Variants in NEDD4L observed in about 807,000 individuals in gnomAD.
The protein encoded by NEDD4L is NEDD4 like E3 ubiquitin protein ligase.
NEDD4L carries 54 observed loss-of-function variants against 148.9 expected under a neutral mutation model. That is an observed-to-expected ratio of 0.36 (90% CI 0.29 to 0.45). The LOEUF is 0.45. Among genes scored for constraint, NEDD4L ranks in the 20% least tolerant of loss-of-function variants. The pLI, the probability that NEDD4L is intolerant of heterozygous loss-of-function variation, is 1.00. For missense variants in NEDD4L, 856 were observed against 1,233.8 expected, an observed-to-expected ratio of 0.69 and a Z score of 4.59; for synonymous variants, 433 against 440.7, an observed-to-expected ratio of 0.98 and a Z score of 0.22.
intron 11 of NEDD4L, among the ~76,000 whole-genome samples, chr18:58,333,070 A>T (rs1479335372): frequency 6.6e-6 from 1 of 152,102 alleles, no homozygotes; most frequent in Non-Finnish European, 1.5e-5. Context: ...TGAGGTCAGG[A>T]GGTCGAGACC....
chr18:58,289,778 T>C (rs1446798897), intron 5 of NEDD4L, among the ~76,000 whole-genome samples: 1 of 152,232 alleles, frequency 6.6e-6, no homozygotes, highest in East Asian at 1.9e-4. Flanking sequence ...TATTTCAGGG[T>C]TACCAGAGTT....
intron 2 of NEDD4L, among the ~76,000 whole-genome samples, chr18:58,181,579 G>A (rs1462002960): frequency 6.6e-6 from 1 of 152,082 alleles, no homozygotes; most frequent in Non-Finnish European, 1.5e-5. Flanking sequence ...CATGGTGCAT[G>A]CAACCATGCC....
At position 58,183,359 on chromosome 18, in the gene NEDD4L, G is replaced by T. The variant is rs981275946; in HGVS notation, c.122+17498G>T. On this transcript the variant is annotated intron_variant, in intron 2 of 30. Transcript: ENST00000400345. Reference sequence around the variant, plus strand: ...GCTGTCCCTGTTGAAGTTAATACGGGTTTGGCACAACACAGGAGTAGACGG... The same window carrying T: ...GCTGTCCCTGTTGAAGTTAATACGGTTTTGGCACAACACAGGAGTAGACGG... Among the ~76,000 whole-genome samples the T allele has an allele frequency of 2.6e-5, 4 of 152,310 alleles. No individual in the cohort carries two copies. In the East Asian group the frequency reaches 7.7e-4, roughly 29 times the overall value.
At chr18:58,307,167 AC>A (rs2057167626) in intron 5 of NEDD4L, among the ~76,000 whole-genome samples, 1 of 151,970 alleles carries the variant, frequency 6.6e-6, no homozygotes, top group Non-Finnish European at 1.5e-5. Flanking sequence ...CCTCTGACCG[AC>A]CCGCACACTG....
At chr18:58,111,401 C>T (rs2085410648) in intron 1 of NEDD4L, among the ~76,000 whole-genome samples, 1 of 152,144 alleles carries the variant, frequency 6.6e-6, no homozygotes, top group Non-Finnish European at 1.5e-5. Flanking sequence ...TAAAAGGAAG[C>T]CTGTACGATA....
At chr18:58,251,907 G>A (rs765597150) in intron 4 of NEDD4L, 94 bp from the exon 5 acceptor site, 15 of 727,116 alleles carry the variant, frequency 2.1e-5, no homozygotes, top group African/African-American at 7.0e-5. Context: ...TGAGTTGGGC[G>A]CATTGTAAAG....
At chr18:58,358,778 TATTTGGCAATTTTC>T (rs1320682140) in intron 19 of NEDD4L, among the ~76,000 whole-genome samples, 2 of 152,210 alleles carry the variant, frequency 1.3e-5, no homozygotes, top group Non-Finnish European at 2.9e-5. Flanking sequence ...CAGTTCTAAA[TATTTGGCAATTTTC>T]ATTTGATTTT....
chr18:58,082,100 ATATTTTTT>A (rs1238455558), intron 1 of NEDD4L, among the ~76,000 whole-genome samples: 1 of 72,244 alleles, frequency 1.4e-5, no homozygotes, highest in Non-Finnish European at 2.4e-5. Flanking sequence ...ATATATATAT[ATATTTTTT>A]TTTTTTTTTT....
At chr18:58,078,788 A>G (rs1230556065) in intron 1 of NEDD4L, among the ~76,000 whole-genome samples, 2 of 152,250 alleles carry the variant, frequency 1.3e-5, no homozygotes, top group East Asian at 3.9e-4. Context: ...AGGAAGATGA[A>G]GGTGAAACGT....
intron 2 of NEDD4L, among the ~76,000 whole-genome samples, chr18:58,166,428 A>G (rs975159648): frequency 6.6e-6 from 1 of 152,018 alleles, no homozygotes; most frequent in East Asian, 1.9e-4. Context: ...TTTTGTTCCT[A>G]TTGGCTGTCA....
At chr18:58,218,727 C>T (rs1015565193) in intron 2 of NEDD4L, among the ~76,000 whole-genome samples, 1 of 152,168 alleles carries the variant, frequency 6.6e-6, no homozygotes, top group Non-Finnish European at 1.5e-5. Context: ...TCAGTAGTGC[C>T]CCGGTAAAAG....
chr18:58,230,534 A>G (rs1315152492), intron 2 of NEDD4L, among the ~76,000 whole-genome samples: 3 of 152,142 alleles, frequency 2.0e-5, no homozygotes, highest in Non-Finnish European at 4.4e-5. Context: ...AAATGAAGCA[A>G]GTTCAAGAAA....
chr18:58,214,154 T>C (rs1171538297), intron 2 of NEDD4L, among the ~76,000 whole-genome samples: 2 of 139,308 alleles, frequency 1.4e-5, no homozygotes, highest in Non-Finnish European at 3.2e-5. Flanking sequence ...AGCTTCCTGA[T>C]AAATCACCTG....
chr18:58,053,174 G>A (rs2081952541), intron 1 of NEDD4L, among the ~76,000 whole-genome samples: 1 of 152,212 alleles, frequency 6.6e-6, no homozygotes, highest in African/African-American at 2.4e-5. Context: ...TAGATGGATT[G>A]CTTGAGTGGC....
At chr18:58,342,406 G>A (rs1052339609) in intron 15 of NEDD4L, among the ~76,000 whole-genome samples, 7 of 152,188 alleles carry the variant, frequency 4.6e-5, no homozygotes, top group African/African-American at 1.7e-4. Flanking sequence ...ACAGCTGTGG[G>A]CTTCTCCACG....
intron 1 of NEDD4L, among the ~76,000 whole-genome samples, chr18:58,127,562 G>A (rs978315995): frequency 2.6e-5 from 4 of 151,820 alleles, no homozygotes; most frequent in Middle Eastern, 3.4e-3. Context: ...AAAATCGGCC[G>A]GGTGCGGTGG....
chr18:58,099,750 G>GT (rs2084641475), intron 1 of NEDD4L, among the ~76,000 whole-genome samples: 1 of 152,224 alleles, frequency 6.6e-6, no homozygotes, highest in African/African-American at 2.4e-5. Flanking sequence ...TCTAAGGGGT[G>GT]TAAGACGGCC....
intron 2 of NEDD4L, among the ~76,000 whole-genome samples, chr18:58,198,863 G>T (rs1053794552): frequency 1.3e-5 from 2 of 152,158 alleles, no homozygotes; most frequent in African/African-American, 2.4e-5. Context: ...GGAGTGCAGT[G>T]GCGCAATCTC....
chr18:58,227,559 T>C (rs2044514032), intron 2 of NEDD4L, among the ~76,000 whole-genome samples: 1 of 152,200 alleles, frequency 6.6e-6, no homozygotes, highest in African/African-American at 2.4e-5. Context: ...CGTCCCTGCA[T>C]GCTCTGTCTA....
Sources: gnomAD v4.1 joint callset for allele counts (sites outside exome capture counted in the v4.1 genomes callset) on GRCh38, gnomAD v4.1.1 for gene constraint, MANE v1.5 for transcripts, NCBI Gene and HGNC (gene_info 2026-07-23, HGNC 2026-07-21) for gene names.